The following DYM variants were observed in gnomAD, a reference collection of about 807,000 sequenced individuals.
DYM encodes the protein dyggve-Melchior-Clausen syndrome protein.
Under a neutral mutation model 93.1 loss-of-function variants are expected in DYM, and 78 were observed. The observed-to-expected ratio is 0.84, with a 90% CI of 0.70 to 1.01. The LOEUF (loss-of-function observed/expected upper bound fraction) is 1.01, where lower values mean the gene tolerates loss of function less well. Ranked by LOEUF, DYM falls within the 50% of genes least tolerant of loss-of-function variation. DYM has a pLI of 0.00. For missense variants in DYM, 789 were observed against 845.0 expected, an observed-to-expected ratio of 0.93 and a Z score of 0.82; for synonymous variants, 321 against 319.7, an observed-to-expected ratio of 1.00 and a Z score of -0.04.
At chr18:49,153,688 TTGAA>T (rs2086072425) in intron 15 of DYM, among the ~76,000 whole-genome samples, 1 of 152,086 alleles carries the variant, frequency 6.6e-6, no homozygotes, top group Admixed American at 6.6e-5. Context: ...AAATAAATAA[TTGAA>T]TAAGTAAATA....
chr18:49,140,612 TATTA>T lies in DYM; in HGVS notation c.1729-21690_1729-21687del, dbSNP rs1219210519. ...AACTATAAGGTTTATTATGAGCTGT[TATTA>T]ATTAATGTAGTGATATAAAACTTGT... On this transcript the variant is annotated intron_variant, in intron 15 of 17. Transcript: ENST00000675505. Among the ~76,000 whole-genome samples the T allele has an allele frequency of 5.9e-5, 9 of 152,238 alleles. 1 individual carries two copies. In the South Asian group the frequency reaches 6.2e-4, roughly 10 times the overall value.
At chr18:49,200,064 C>T (rs1477699856) in intron 14 of DYM, among the ~76,000 whole-genome samples, 2 of 152,154 alleles carry the variant, frequency 1.3e-5, no homozygotes, top group Non-Finnish European at 2.9e-5. Context: ...TGTGATCATA[C>T]TGAGGAACTC....
At chr18:49,426,414 G>T (rs2074294360) in intron 2 of DYM, among the ~76,000 whole-genome samples, 1 of 96,484 alleles carries the variant, frequency 1.0e-5, no homozygotes, top group Non-Finnish European at 1.9e-5. Context: ...GGGGAGGGGG[G>T]AGGGATAGCA....
intron 6 of DYM, among the ~76,000 whole-genome samples, chr18:49,355,647 G>A (rs1465177509): frequency 6.6e-6 from 1 of 152,174 alleles, no homozygotes; most frequent in African/African-American, 2.4e-5. Flanking sequence ...GAGGGACACT[G>A]ACGGTGCAGA....
intron 5 of DYM, among the ~76,000 whole-genome samples, chr18:49,363,942 C>A (rs1182691790): frequency 1.3e-5 from 2 of 152,242 alleles, no homozygotes; most frequent in African/African-American, 4.8e-5. Context: ...TTGGACATTA[C>A]TGACACCTAC....
intron 14 of DYM, among the ~76,000 whole-genome samples, chr18:49,188,692 C>T (rs4245231): frequency 1.3e-5 from 2 of 151,160 alleles, no homozygotes; most frequent in Admixed American, 6.6e-5. Flanking sequence ...CCTGTTGTGG[C>T]GTGGGGGGAA....
chr18:49,087,747 T>C (rs2078677790), intron 17 of DYM, among the ~76,000 whole-genome samples: 1 of 152,092 alleles, frequency 6.6e-6, no homozygotes, highest in South Asian at 2.1e-4. Context: ...AGTGTAAAAG[T>C]GTTCCTATTT....
At chr18:49,373,643 G>A (rs2067239481) in intron 5 of DYM, among the ~76,000 whole-genome samples, 1 of 152,148 alleles carries the variant, frequency 6.6e-6, no homozygotes, top group South Asian at 2.1e-4. Flanking sequence ...TGGGAATATA[G>A]CCTGGTAGGT....
intron 1 of DYM, among the ~76,000 whole-genome samples, chr18:49,450,262 G>A (rs766944590): frequency 1.4e-4 from 21 of 152,152 alleles, no homozygotes; most frequent in Non-Finnish European, 3.1e-4. Flanking sequence ...TTAACAAAAG[G>A]GGTTGTAAAG....
chr18:49,292,857 G>A (rs1304380446), intron 8 of DYM, among the ~76,000 whole-genome samples: 2 of 151,900 alleles, frequency 1.3e-5, no homozygotes, highest in Admixed American at 1.3e-4. Flanking sequence ...TTAAGTTATG[G>A]GATACATGTA....
intron 2 of DYM, among the ~76,000 whole-genome samples, chr18:49,426,146 T>G (rs1365794625): frequency 6.6e-6 from 1 of 151,986 alleles, no homozygotes; most frequent in Non-Finnish European, 1.5e-5. Flanking sequence ...GGAACCAACC[T>G]AAATGTCCAT....
At chr18:49,099,634 GT>G (rs1268997828) in intron 16 of DYM, among the ~76,000 whole-genome samples, 1 of 152,110 alleles carries the variant, frequency 6.6e-6, no homozygotes, top group Non-Finnish European at 1.5e-5. Flanking sequence ...TACAAAACAT[GT>G]TTTTTGTACT....
intron 13 of DYM, among the ~76,000 whole-genome samples, chr18:49,217,379 G>A (rs1462375009): frequency 3.3e-5 from 5 of 151,970 alleles, no homozygotes; most frequent in East Asian, 3.9e-4. Flanking sequence ...GCAGGCCAAC[G>A]TTCAGATTCA....
At position 49,415,873 on chromosome 18, in the gene DYM, G is replaced by A. The variant is rs796994911; in HGVS notation, c.140+14382C>T. On this transcript the variant is annotated intron_variant, in intron 2 of 17. Coordinates refer to ENST00000675505, the MANE Select transcript of DYM (RefSeq NM_001353214.3). ...ACCTGGGAGGCAGAGGCTGCAGTGAGCCAAGGTCGTGCCACTGTACTCCAG... is the reference window on the plus strand; with the variant it reads ...ACCTGGGAGGCAGAGGCTGCAGTGAACCAAGGTCGTGCCACTGTACTCCAG... Among the ~76,000 whole-genome samples the A allele has an allele frequency of 3.3e-5, 5 of 150,946 alleles. 1 individual carries two copies. The highest frequency in any genetic ancestry group is 1.2e-4 in the African/African-American group (5 of 41,046).
intron 13 of DYM, among the ~76,000 whole-genome samples, chr18:49,210,248 A>G (rs1186675428): frequency 1.3e-5 from 2 of 152,204 alleles, no homozygotes; most frequent in Non-Finnish European, 2.9e-5. Context: ...CCACACAAAA[A>G]TCTGCACACA....
At chr18:49,169,019 G>T (rs558866997) in intron 14 of DYM, among the ~76,000 whole-genome samples, 3 of 152,218 alleles carry the variant, frequency 2.0e-5, no homozygotes, top group African/African-American at 7.2e-5. Context: ...AAATAAGAAG[G>T]CCACATGGAC....
intron 6 of DYM, among the ~76,000 whole-genome samples, chr18:49,361,165 G>C (rs1324613319): frequency 6.6e-6 from 1 of 152,198 alleles, no homozygotes; most frequent in Non-Finnish European, 1.5e-5. Context: ...TGTCATGCAA[G>C]TGTCTGCTGC....
At chr18:49,169,177 G>A (rs1322382948) in intron 14 of DYM, among the ~76,000 whole-genome samples, 2 of 152,196 alleles carry the variant, frequency 1.3e-5, no homozygotes, top group South Asian at 2.1e-4. Flanking sequence ...GCAGTCAGGT[G>A]AAAAAGGACG....
chr18:49,405,012 CAAAAAAAAA>C (rs199975015), intron 2 of DYM, among the ~76,000 whole-genome samples: 1 of 102,192 alleles, frequency 9.8e-6, no homozygotes, highest in Non-Finnish European at 1.9e-5. Context: ...GACTCCATCT[CAAAAAAAAA>C]AAAAAAAAGA....
Sources: gnomAD v4.1 joint callset for allele counts (sites outside exome capture counted in the v4.1 genomes callset) on GRCh38, gnomAD v4.1.1 for gene constraint, MANE v1.5 for transcripts, NCBI Gene and HGNC (gene_info 2026-07-23, HGNC 2026-07-21) for gene names.